NEMF: variants seen among roughly 807,000 people sequenced by gnomAD.
NEMF encodes nuclear export mediator factor.
A neutral mutation model predicts 162.2 loss-of-function variants in NEMF; 89 were observed. That is an observed-to-expected ratio of 0.55 (90% CI 0.46 to 0.65). NEMF has a LOEUF of 0.65. Among genes scored for constraint, NEMF ranks in the 30% least tolerant of loss-of-function variants. NEMF has a pLI of 0.00. For synonymous variants in NEMF, 421 were observed against 404.5 expected (o/e 1.04, Z -0.49); for missense variants, 1,133 against 1,261.9 (o/e 0.90, Z 1.55).
intron 1 of NEMF, 106 bp downstream of exon 1, chr14:49,852,589 C>T: frequency 1.6e-6 from 2 of 1,240,376 alleles, no homozygotes; most frequent in Non-Finnish European, 2.3e-6. Flanking sequence ...TCCATAGACG[C>T]ACTAGGAAAT....
intron 26 of NEMF, among the ~76,000 whole-genome samples, chr14:49,790,579 A>G (rs183171256): frequency 4.0e-4 from 61 of 152,320 alleles, no homozygotes; most frequent in African/African-American, 1.3e-3. Flanking sequence ...GGAAATTGAT[A>G]CAGGTGCTCT....
intron 18 of NEMF, among the ~76,000 whole-genome samples, chr14:49,807,869 G>A (rs1422639430): frequency 6.6e-6 from 1 of 152,028 alleles, no homozygotes; most frequent in African/African-American, 2.4e-5. Context: ...CTCCCAAAGT[G>A]CTGGGATTAC....
chr14:49,801,889 T>C (rs1034697435), intron 22 of NEMF, among the ~76,000 whole-genome samples: 6 of 152,172 alleles, frequency 3.9e-5, no homozygotes, highest in Admixed American at 1.3e-4. Flanking sequence ...GCATTACCCA[T>C]TAAATACTGA....
At chr14:49,793,496 T>A (rs1272143648) in intron 26 of NEMF, among the ~76,000 whole-genome samples, 1 of 152,196 alleles carries the variant, frequency 6.6e-6, no homozygotes, top group African/African-American at 2.4e-5. Flanking sequence ...ATTATAGTTT[T>A]CCACAGGAAG....
chr14:49,817,717 T>C (rs750853408), intron 16 of NEMF, among the ~76,000 whole-genome samples: 1 of 152,224 alleles, frequency 6.6e-6, no homozygotes, highest in Non-Finnish European at 1.5e-5. Context: ...TGCCAATATA[T>C]TTTAAACTTT....
intron 29 of NEMF, chr14:49,785,536 A>C (rs1890130735): frequency 8.4e-6 from 4 of 474,236 alleles, no homozygotes; most frequent in South Asian, 6.8e-5. Context: ...TTTGCCTAGC[A>C]TAATAAGTAA....
At position 49,806,043 on chromosome 14, in the gene NEMF, G is replaced by A. The variant is rs878931810; in HGVS notation, c.1835C>T (p.Ala612Val). Residue 612 changes from alanine to valine, a missense_variant, in exon 19 of 33, where the codon GCT (alanine) becomes GTT (valine). Around this residue, in one of 3 missense-constraint regions of NEMF, gnomAD observed 532 missense variants for 578.6 expected, o/e 0.92. Coordinates refer to ENST00000298310, the MANE Select transcript of NEMF (RefSeq NM_004713.6). ...AAWDARVITS[A>V]WWVYHHQVSK... ...TACCTGATGATGGTACACCCACCAAGCACTAGTGATAACTCGTGCATCCCA... is the reference window on the plus strand; with the variant it reads ...TACCTGATGATGGTACACCCACCAAACACTAGTGATAACTCGTGCATCCCA... 3 of 1,610,106 alleles carry A rather than the reference G, an allele frequency of 1.9e-6. No homozygotes were observed. Among genetic ancestry groups the A allele is most frequent in the Non-Finnish European group, 2.5e-6 (3 of 1,178,140 alleles).
Position 49,803,309 on chromosome 14 carries a change from A to G in NEMF, c.1858-15T>C, listed in dbSNP as rs768068972. The G allele has an allele frequency of 3.9e-6, 6 of 1,547,730 alleles. No individual in the cohort carries two copies. The East Asian group carries it at 1.4e-4, about 35-fold the overall frequency. ...GTTTTAGATACCTGAAGAACACAAT[A>G]ATACATTATATTCTTATTTAAAAAA... On this transcript the variant is annotated splice_polypyrimidine_tract_variant and intron_variant, in intron 19 of 32. Coordinates refer to ENST00000298310, the MANE Select transcript of NEMF (RefSeq NM_004713.6).
chr14:49,833,603 G>T, intron 7 of NEMF, 107 bp from the exon 8 acceptor site: 1 of 607,234 alleles, frequency 1.6e-6, no homozygotes, highest in Non-Finnish European at 2.8e-6. Flanking sequence ...AAATAATGTT[G>T]CGTTCAAGAA....
Position 49,789,219 on chromosome 14 carries a change from T to C in NEMF, c.2822A>G (p.Lys941Arg), listed in dbSNP as rs1430530086. Residue 941 changes from lysine to arginine, a missense_variant, in exon 28 of 33, where the codon AAA becomes AGA. Transcript: ENST00000298310. ...GGQRVSDNIKKETPFLEVITH... is the reference protein window; with the variant it reads ...GGQRVSDNIKRETPFLEVITH... Reference sequence around the variant, plus strand: ...TATAACCTCAAGGAACGGAGTTTCTTTCTTAATGTTGTCAGAGACCCTCTG... The same window carrying C: ...TATAACCTCAAGGAACGGAGTTTCTCTCTTAATGTTGTCAGAGACCCTCTG... The C allele has an allele frequency of 6.2e-7, 1 of 1,614,010 alleles. No individual in the cohort carries two copies. Among genetic ancestry groups the C allele is most frequent in the East Asian group, 2.2e-5 (1 of 44,892 alleles).
At position 49,782,783 on chromosome 14, in the gene NEMF, C is replaced by T. The variant is rs188187880; in HGVS notation, c.*1853G>A. 2 of 1,584,486 alleles carry T rather than the reference C, an allele frequency of 1.3e-6. No homozygotes were observed. Among genetic ancestry groups the T allele is most frequent in the Non-Finnish European group, 1.7e-6 (2 of 1,168,748 alleles). On this transcript the variant is annotated 3_prime_UTR_variant, in exon 33 of 33. Coordinates refer to ENST00000298310, the MANE Select transcript of NEMF (RefSeq NM_004713.6). ...GTAGTTTTTCAAGTGAATGTACTTCCAAACAGTAAAGTGAAATTACTTTTC... is the reference window on the plus strand; with the variant it reads ...GTAGTTTTTCAAGTGAATGTACTTCTAAACAGTAAAGTGAAATTACTTTTC...
rs142339338 is a variant in NEMF, at chr14:49,834,543, G to A, written c.575-94C>T. 1.5e-3 allele frequency: 1,170 copies of A among 803,466 alleles called. 4 individuals are homozygous for A. The highest frequency in any genetic ancestry group is 2.0e-3 in the Non-Finnish European group (965 of 493,860). 49.8% of individuals were successfully genotyped at this position (803,466 alleles called of 1,614,324 possible). On this transcript the variant is annotated intron_variant, in intron 6 of 32. Transcript: ENST00000298310. The stretch of plus-strand genomic sequence containing the variant: ...TGGAGTTTTACCCGTCGCCCAGGCC[G>A]GAGTGCAATGGTGCAATCTTGGCTC...
chr14:49,838,027 C>T, intron 6 of NEMF, 112 bp downstream of exon 6: 1 of 738,302 alleles, frequency 1.4e-6, no homozygotes, highest in Non-Finnish European at 2.2e-6. Context: ...CTCCTACTTA[C>T]TCCAAGGATC....
chr14:49,833,312 C>CTTT lies in NEMF; in HGVS notation c.735+110_735+111insAAA, dbSNP rs1892735308. Reference sequence around the variant, plus strand: ...CCTGGAATAAGCATATTACAGATAACAATTTTCCAAATTAAAATAAAATGT... The same window carrying CTTT: ...CCTGGAATAAGCATATTACAGATAACTTTAATTTTCCAAATTAAAATAAAATGT... On this transcript the variant is annotated intron_variant, in intron 8 of 32. Transcript: ENST00000298310. 8.6e-6 allele frequency: 5 copies of CTTT among 579,354 alleles called. No individual in the cohort carries two copies. The Admixed American group carries it at 9.9e-5, about 11-fold the overall frequency. The allele number at this position is 579,354 out of a possible 1,614,324, so 35.9% of individuals were successfully genotyped here.
chr14:49,784,848 C>T, intron 32 of NEMF, 77 bp downstream of exon 32: 1 of 1,445,122 alleles, frequency 6.9e-7, no homozygotes. Context: ...GCATTTTCTA[C>T]TAAAATAACA....
In NEMF at chr14:49,851,836, A is replaced by G. The variant is rs751565811; in HGVS notation, c.99T>C (p.Asp33=). 6.9e-6 allele frequency: 11 copies of G among 1,587,824 alleles called. No homozygotes were observed. In the East Asian group the frequency reaches 2.2e-4, roughly 32 times the overall value. Residue 33 remains aspartate (D), a synonymous_variant, in exon 2 of 33, where the codon GAT becomes GAC. Coordinates refer to ENST00000298310, the MANE Select transcript of NEMF (RefSeq NM_004713.6). ...GMRVNNVYDV[D]NKTYLIRLQK... ...GAAGACGAATAAGGTATGTCTTATTATCCACATCATAAACATTGTTTACTC... is the reference window on the plus strand; with the variant it reads ...GAAGACGAATAAGGTATGTCTTATTGTCCACATCATAAACATTGTTTACTC...
chr14:49,800,245 T>G (rs1890893438), intron 23 of NEMF, among the ~76,000 whole-genome samples, 175 bp downstream of exon 23: 1 of 152,164 alleles, frequency 6.6e-6, no homozygotes. Flanking sequence ...CACTGTATTT[T>G]TCTACCCTGG....
At chr14:49,838,703 G>A (rs1265888011) in intron 5 of NEMF, among the ~76,000 whole-genome samples, 1 of 150,848 alleles carries the variant, frequency 6.6e-6, no homozygotes, top group African/African-American at 2.4e-5. Context: ...TCCTGCCTCA[G>A]CCTCCCGAGT....
Position 49,851,550 on chromosome 14 carries a change from G to A in NEMF, c.231+13C>T, listed in dbSNP as rs778708206. Reference sequence around the variant, plus strand: ...AATCTCTTAAAATTTAGCTTCAAGCGTAACAAGTTTACCTTCATGGCAAAA... The same window carrying A: ...AATCTCTTAAAATTTAGCTTCAAGCATAACAAGTTTACCTTCATGGCAAAA... On this transcript the variant is annotated intron_variant, in intron 3 of 32. Coordinates refer to ENST00000298310, the MANE Select transcript of NEMF (RefSeq NM_004713.6). 38 of 1,575,704 alleles carry A rather than the reference G, an allele frequency of 2.4e-5. No homozygotes were observed. The highest frequency in any genetic ancestry group is 2.9e-5 in the Non-Finnish European group (33 of 1,146,742).
Sources: allele counts gnomAD v4.1 joint callset (sites outside exome capture counted in the v4.1 genomes callset), GRCh38; gene constraint gnomAD v4.1.1; regional missense constraint gnomAD v4.1.1; transcripts MANE v1.5; gene names NCBI Gene and HGNC (gene_info 2026-07-23, HGNC 2026-07-21).